SLTM: variants seen among roughly 807,000 people sequenced by gnomAD.
SLTM encodes SAFB-like transcription modulator.
In SLTM, 43 loss-of-function variants were observed where a neutral mutation model predicts 134.6. The ratio of observed to expected loss-of-function variants is 0.32; its 90% confidence interval spans 0.25 to 0.41. The LOEUF (loss-of-function observed/expected upper bound fraction) is 0.41. Ranked by LOEUF, SLTM falls within the 10% of genes least tolerant of loss-of-function variation. The pLI is 1.00. For missense variants in SLTM, 1,055 were observed against 1,288.8 expected (o/e 0.82, Z 2.78); for synonymous variants, 424 against 432.3 (o/e 0.98, Z 0.24).
At position 58,887,046 on chromosome 15, in the gene SLTM, T is replaced by C; in HGVS notation, c.2764A>G (p.Ser922Gly). Residue 922 changes from serine to glycine, a missense_variant, in exon 19 of 21, where the codon AGC (serine) becomes GGC (glycine). Transcript: ENST00000380516. ...SVRGAPPGNR[S>G]SASGYGSREG... is the part of the protein sequence containing the mutation. ...CTGCTCCCGTACCCCGAAGCGCTGC[T>C]ACGATTCCCAGGGGGAGCGCCTCTC... 1 of 1,613,770 alleles carries C rather than the reference T, an allele frequency of 6.2e-7. No individual in the cohort carries two copies. The highest frequency in any genetic ancestry group is 1.7e-5 in the Admixed American group (1 of 60,014).
At chr15:58,890,179 A>T (rs1246371694) in intron 15 of SLTM, 102 bp downstream of exon 15, 2 of 1,357,432 alleles carry the variant, frequency 1.5e-6, no homozygotes, top group African/African-American at 1.5e-5. Flanking sequence ...AGCTAAACTC[A>T]TTCTATAGAC....
At chr15:58,915,818 T>C (rs1424540770) in intron 3 of SLTM, among the ~76,000 whole-genome samples, 2 of 151,864 alleles carry the variant, frequency 1.3e-5, no homozygotes, top group Admixed American at 6.6e-5. Flanking sequence ...TCGAGAGACA[T>C]GATGACAATA....
chr15:58,913,448 T>C, intron 4 of SLTM, 51 bp downstream of exon 4: 2 of 1,444,296 alleles, frequency 1.4e-6, no homozygotes, highest in Non-Finnish European at 1.9e-6. Flanking sequence ...CTTTTTATTA[T>C]TTAAAACTTA....
At chr15:58,886,255 G>A (rs2034189551) in intron 19 of SLTM, among the ~76,000 whole-genome samples, 1 of 128,652 alleles carries the variant, frequency 7.8e-6, no homozygotes, top group African/African-American at 3.1e-5. Context: ...GTGTGTGTGT[G>A]TGTGTGTGTG....
intron 2 of SLTM, among the ~76,000 whole-genome samples, chr15:58,931,251 C>T (rs2037859420): frequency 6.6e-6 from 1 of 152,062 alleles, no homozygotes; most frequent in Non-Finnish European, 1.5e-5. Context: ...AAACTACATC[C>T]CCACCTCTCC....
At position 58,899,190 on chromosome 15, in the gene SLTM, C is replaced by G. The variant is rs1258370701; in HGVS notation, c.1058+279G>C. On this transcript the variant is annotated intron_variant, in intron 7 of 20. Transcript: ENST00000380516. The surrounding 1 kb of genome is among the most constrained non-coding windows in gnomAD (Gnocchi z 5.0). The stretch of plus-strand genomic sequence containing the variant: ...CACAAGGATTTTAAAAAATAAAACA[C>G]AAAAAAATTGTCAATTTGAAAAAAA... The G allele has an allele frequency of 2.5e-6, 1 of 400,976 alleles. No individual in the cohort carries two copies. Among genetic ancestry groups the G allele is most frequent in the African/African-American group, 2.3e-5 (1 of 44,012 alleles). The allele number at this position is 400,976 out of a possible 1,614,324, so 24.8% of individuals were successfully genotyped here.
Position 58,879,405 on chromosome 15 carries a change from A to C in SLTM, c.*594T>G, listed in dbSNP as rs186398464. The C allele has an allele frequency of 4.6e-5, 7 of 152,770 alleles. No individual in the cohort carries two copies. Among genetic ancestry groups the C allele is most frequent in the Admixed American group, 2.6e-4 (4 of 15,296 alleles). 9.5% of individuals were successfully genotyped at this position (152,770 alleles called of 1,614,324 possible). On this transcript the variant is annotated 3_prime_UTR_variant, in exon 21 of 21. Coordinates refer to ENST00000380516, the MANE Select transcript of SLTM (RefSeq NM_024755.4). Reference sequence around the variant, plus strand: ...AATCGGTTCTCATTTTACAATTAAAAAGGTTCTCAACACTTTAGCAACTAT... The same window carrying C: ...AATCGGTTCTCATTTTACAATTAAACAGGTTCTCAACACTTTAGCAACTAT...
At chr15:58,924,460 G>A (rs576329818) in intron 2 of SLTM, among the ~76,000 whole-genome samples, 3 of 152,244 alleles carry the variant, frequency 2.0e-5, no homozygotes, top group East Asian at 1.9e-4. Flanking sequence ...AGAGTAAAAC[G>A]TTGCATATAC....
chr15:58,923,561 C>G (rs148975069), intron 2 of SLTM, among the ~76,000 whole-genome samples: 1 of 152,114 alleles, frequency 6.6e-6, no homozygotes, highest in Non-Finnish European at 1.5e-5. Flanking sequence ...ATTTTAAAGA[C>G]CAAATCACCC....
intron 2 of SLTM, among the ~76,000 whole-genome samples, chr15:58,920,031 T>A (rs565897838): frequency 1.1e-3 from 170 of 152,264 alleles, no homozygotes; most frequent in Admixed American, 3.4e-3. Context: ...TAATTATCTT[T>A]GAGGCCGGGC....
chr15:58,930,281 A>ATTTTTTTTTT (rs34150533), intron 2 of SLTM, among the ~76,000 whole-genome samples: 11 of 117,644 alleles, frequency 9.4e-5, no homozygotes, highest in African/African-American at 3.6e-4. Context: ...ATGCCCAGCT[A>ATTTTTTTTTT]TTTTTTTTTT....
At chr15:58,908,826 T>C (rs1567137561) in intron 5 of SLTM, among the ~76,000 whole-genome samples, 1 of 152,186 alleles carries the variant, frequency 6.6e-6, no homozygotes, top group East Asian at 1.9e-4. Flanking sequence ...AAATATGTCT[T>C]AAAAAAATCT....
chr15:58,911,735 A>C (rs781219703), intron 5 of SLTM, among the ~76,000 whole-genome samples: 1 of 152,234 alleles, frequency 6.6e-6, no homozygotes, highest in African/African-American at 2.4e-5. Flanking sequence ...TAAAATGTAC[A>C]CTATGTGTAT....
At chr15:58,929,284 A>G (rs1439442705) in intron 2 of SLTM, among the ~76,000 whole-genome samples, 2 of 152,128 alleles carry the variant, frequency 1.3e-5, no homozygotes, top group African/African-American at 4.8e-5. Context: ...ACCCGTCTCT[A>G]CTAAAAATAC....
chr15:58,882,670 A>G (rs2033836612), intron 20 of SLTM, among the ~76,000 whole-genome samples: 1 of 152,252 alleles, frequency 6.6e-6, no homozygotes, highest in Non-Finnish European at 1.5e-5. Context: ...AGGCAGAAGT[A>G]GCACACTTAC....
intron 19 of SLTM, among the ~76,000 whole-genome samples, chr15:58,885,745 C>T (rs911670308): frequency 6.6e-6 from 1 of 152,032 alleles, no homozygotes; most frequent in Admixed American, 6.6e-5. Flanking sequence ...GATCGCACCA[C>T]GGCATGTCAG....
chr15:58,892,275 T>C (rs2034708497), intron 14 of SLTM, among the ~76,000 whole-genome samples: 1 of 152,244 alleles, frequency 6.6e-6, no homozygotes, highest in Non-Finnish European at 1.5e-5. Flanking sequence ...TGTTGAGATA[T>C]GGCCACTAAA....
At chr15:58,902,056 T>G (rs1319092440) in intron 5 of SLTM, among the ~76,000 whole-genome samples, 2 of 152,160 alleles carry the variant, frequency 1.3e-5, no homozygotes, top group African/African-American at 2.4e-5. Context: ...AAATTAAGAA[T>G]GTGCTAGCTT....
intron 5 of SLTM, among the ~76,000 whole-genome samples, chr15:58,906,212 C>A (rs2035858770): frequency 6.6e-6 from 1 of 152,186 alleles, no homozygotes; most frequent in Non-Finnish European, 1.5e-5. Context: ...AACAATTTCT[C>A]CCACTGAAAA....
Sources: gnomAD v4.1 joint callset for allele counts (sites outside exome capture counted in the v4.1 genomes callset) on GRCh38, gnomAD v4.1.1 for gene constraint, Gnocchi (gnomAD v3.1) non-coding constraint, MANE v1.5 for transcripts, NCBI Gene and HGNC (gene_info 2026-07-23, HGNC 2026-07-21) for gene names.